Variants in DYRK1A observed in about 807,000 individuals in gnomAD.
DYRK1A encodes the protein dual specificity tyrosine phosphorylation regulated kinase 1A.
In DYRK1A, 9 loss-of-function variants were observed where a neutral mutation model predicts 79.7. The ratio of observed to expected loss-of-function variants is 0.11; its 90% CI spans 0.07 to 0.20. DYRK1A has a LOEUF of 0.20. Ranked by LOEUF, DYRK1A falls within the 10% of genes least tolerant of loss-of-function variation. The probability of loss-of-function intolerance (pLI) is 1.00; values close to 1 mark genes in which losing one functional copy is unlikely to be tolerated. For synonymous variants in DYRK1A, 349 were observed against 329.7 expected (o/e 1.06, Z -0.63); for missense variants, 622 against 956.0 (o/e 0.65, Z 4.61).
chr21:37,452,978 C>T (rs1240637966), intron 2 of DYRK1A, among the ~76,000 whole-genome samples: 1 of 152,084 alleles, frequency 6.6e-6, no homozygotes, highest in African/African-American at 2.4e-5. Context: ...GGAGTGGTGG[C>T]TTACGCCTAT....
At chr21:37,400,750 G>A (rs1444083891) in intron 1 of DYRK1A, among the ~76,000 whole-genome samples, 3 of 152,188 alleles carry the variant, frequency 2.0e-5, no homozygotes, top group Non-Finnish European at 2.9e-5. Context: ...ATTTATTTTA[G>A]CATCTAGGAA....
chr21:37,421,449 A>G (rs141608375), intron 2 of DYRK1A, among the ~76,000 whole-genome samples: 253 of 152,290 alleles, frequency 1.7e-3, no homozygotes, highest in Non-Finnish European at 3.1e-3. Flanking sequence ...TAGAGAGTAT[A>G]TAATACTTCA....
intron 2 of DYRK1A, among the ~76,000 whole-genome samples, chr21:37,422,915 C>CT (rs1205045361): frequency 2.0e-5 from 3 of 152,080 alleles, no homozygotes; most frequent in Admixed American, 6.6e-5. Context: ...ATTTGAGAAT[C>CT]TTTTTGCATG....
chr21:37,499,853 A>AT (rs1034985434), intron 9 of DYRK1A, among the ~76,000 whole-genome samples: 4 of 152,102 alleles, frequency 2.6e-5, no homozygotes, highest in Admixed American at 2.0e-4. Context: ...TTGTATGCAC[A>AT]TTTTTTTCTG....
At chr21:37,483,967 C>T (rs922267982) in intron 5 of DYRK1A, among the ~76,000 whole-genome samples, 1 of 152,124 alleles carries the variant, frequency 6.6e-6, no homozygotes, top group African/African-American at 2.4e-5. Flanking sequence ...TTGTGAGGCC[C>T]AGTCCTTAAC....
chr21:37,366,444 A>T (rs1445189978), upstream of DYRK1A, among the ~76,000 whole-genome samples: 1 of 145,724 alleles, frequency 6.9e-6, no homozygotes, highest in Non-Finnish European at 1.5e-5. Flanking sequence ...GCGGCGGGCG[A>T]TCGCGCACAG....
At chr21:37,473,009 GA>G (rs2052280541) in intron 3 of DYRK1A, 129 bp downstream of exon 3, 2 of 699,478 alleles carry the variant, frequency 2.9e-6, no homozygotes, top group South Asian at 5.1e-5. Context: ...TATGGATTGG[GA>G]AAACATGTTA....
At position 37,386,224 on chromosome 21, in the gene DYRK1A, A is replaced by G. The variant is rs547536476; in HGVS notation, c.-77+18596A>G. Among the ~76,000 whole-genome samples the G allele has an allele frequency of 1.5e-3, 222 of 152,264 alleles. 4 individuals are homozygous for G. The highest frequency in any genetic ancestry group is 0.012 in the South Asian group (60 of 4,816). ...TATAATTATTTCACTATATATTAAT[A>G]TTAAAAGGTAATACTAATAGAAATA... On this transcript the variant is annotated intron_variant, in intron 1 of 11. Transcript: ENST00000647188.
At chr21:37,484,666 A>G (rs760260749) in intron 5 of DYRK1A, among the ~76,000 whole-genome samples, 6 of 152,210 alleles carry the variant, frequency 3.9e-5, no homozygotes, top group Non-Finnish European at 5.9e-5. Context: ...GACATCTACC[A>G]TGCAAATTGT....
rs541142277 is a variant in DYRK1A at position 37,522,608 on chromosome 21, T to G, written c.*10077T>G. On this transcript the variant is annotated 3_prime_UTR_variant, in exon 12 of 12. Coordinates refer to ENST00000647188, the MANE Select transcript of DYRK1A (RefSeq NM_001347721.2). ...AATGTAGTGAAGGATGCCTGTATTG[T>G]CCTAATGAACCACACTGGTGCCTAC... 1 of 152,348 alleles carries G rather than the reference T, an allele frequency of 6.6e-6. No individual in the cohort carries two copies. The highest frequency in any genetic ancestry group is 2.1e-4 in the South Asian group (1 of 4,824). 9.4% of individuals were successfully genotyped at this position (152,348 alleles called of 1,614,324 possible). A position where few individuals can be genotyped will look rare whatever the true frequency, so the allele number is the denominator to read the frequency against.
rs1207312937 is a variant in DYRK1A, at chr21:37,525,686, AT to A, written c.*13157del. Reference sequence around the variant, plus strand: ...TGAGAAATATTTGAATCTATCATGCATTATTGAACCAGTATTGTCAATAGTG... The same window carrying A: ...TGAGAAATATTTGAATCTATCATGCATATTGAACCAGTATTGTCAATAGTG... On this transcript the variant is annotated 3_prime_UTR_variant, in exon 12 of 12. Transcript: ENST00000647188. 6.6e-6 allele frequency: 1 copy of A among 152,254 alleles called. No homozygotes were observed. The highest frequency in any genetic ancestry group is 1.5e-5 in the Non-Finnish European group (1 of 68,034). 9.4% of individuals were successfully genotyped at this position (152,254 alleles called of 1,614,324 possible). A position where few individuals can be genotyped will look rare whatever the true frequency, so the allele number is the denominator to read the frequency against.
At chr21:37,510,896 A>G (rs964480798) in intron 11 of DYRK1A, among the ~76,000 whole-genome samples, 2 of 152,102 alleles carry the variant, frequency 1.3e-5, no homozygotes, top group African/African-American at 2.4e-5. Context: ...TTGTGTAGCC[A>G]TGTGCTCAGG....
intron 2 of DYRK1A, among the ~76,000 whole-genome samples, chr21:37,463,015 T>G (rs1194464721): frequency 1.3e-5 from 2 of 152,212 alleles, no homozygotes; most frequent in Non-Finnish European, 2.9e-5. Context: ...TTTTTATCCA[T>G]AACCCATTGT....
chr21:37,451,269 A>G (rs11088397), intron 2 of DYRK1A, among the ~76,000 whole-genome samples: 32,461 of 152,056 alleles, frequency 0.21, 3,724 homozygotes, highest in South Asian at 0.32. Context: ...GCTTAAATGT[A>G]CAATGTCTAT....
chr21:37,477,345 TG>T (rs1194215840), intron 3 of DYRK1A, among the ~76,000 whole-genome samples: 2 of 152,166 alleles, frequency 1.3e-5, no homozygotes, highest in Non-Finnish European at 2.9e-5. Flanking sequence ...TTTGAGGATC[TG>T]TTGATTGCAA....
At chr21:37,407,645 G>C (rs1218626720) in intron 1 of DYRK1A, among the ~76,000 whole-genome samples, 1 of 152,140 alleles carries the variant, frequency 6.6e-6, no homozygotes, top group Admixed American at 6.6e-5. Context: ...AAATCTCTTA[G>C]CTCTAAGTAT....
intron 3 of DYRK1A, among the ~76,000 whole-genome samples, chr21:37,476,421 C>G (rs913735725): frequency 2.6e-4 from 39 of 152,182 alleles, no homozygotes; most frequent in African/African-American, 8.9e-4. Context: ...CTTATACTTC[C>G]TGTCAACTTT....
Position 37,514,588 on chromosome 21 carries a change from T to C in DYRK1A, c.*2057T>C, listed in dbSNP as rs1330545565. The C allele has an allele frequency of 6.6e-6, 1 of 152,632 alleles. No individual in the cohort carries two copies. Among genetic ancestry groups the C allele is most frequent in the East Asian group, 1.9e-4 (1 of 5,196 alleles). 9.5% of individuals were successfully genotyped at this position (152,632 alleles called of 1,614,324 possible). A position where few individuals can be genotyped will look rare whatever the true frequency, so the allele number is the denominator to read the frequency against. ...GTGAGAAAAGAAAGGCTAAACACTA[T>C]GTAAATGTGAATGGAAACTTGGAAA... On this transcript the variant is annotated 3_prime_UTR_variant, in exon 12 of 12. Transcript: ENST00000647188.
intron 2 of DYRK1A, among the ~76,000 whole-genome samples, chr21:37,444,685 C>T (rs560205096): frequency 1.9e-4 from 29 of 151,932 alleles, no homozygotes; most frequent in Middle Eastern, 6.3e-3. Flanking sequence ...GAGAGAGGAC[C>T]GTTAGTAGAA....
Sources: allele counts gnomAD v4.1 joint callset (sites outside exome capture counted in the v4.1 genomes callset), GRCh38; gene constraint gnomAD v4.1.1; transcripts MANE v1.5; gene names NCBI Gene and HGNC (gene_info 2026-07-23, HGNC 2026-07-21).